Variants in MED12L observed in about 807,000 individuals in gnomAD.
The protein encoded by MED12L is mediator complex subunit 12L.
Under a neutral mutation model 281.3 loss-of-function variants are expected in MED12L, and 60 were observed. That is an observed-to-expected ratio of 0.21 (90% CI 0.17 to 0.26). The LOEUF is 0.26. Ranked by LOEUF, MED12L falls within the 10% of genes least tolerant of loss-of-function variation. The probability of loss-of-function intolerance (pLI) is 1.00; values close to 1 mark genes in which losing one functional copy is unlikely to be tolerated. For synonymous variants in MED12L, 974 were observed against 987.2 expected, an observed-to-expected ratio of 0.99 and a Z score of 0.25; for missense variants, 2,146 against 2,680.9, an observed-to-expected ratio of 0.80 and a Z score of 4.41.
chr3:151,375,974 T>TATATATAC, intron 27 of MED12L, 52 bp from the exon 28 acceptor site: 1 of 971,146 alleles, frequency 1.0e-6, no homozygotes, highest in Non-Finnish European at 1.5e-6. Flanking sequence ...ATATTGCATA[T>TATATATAC]ATATATACCG....
intron 13 of MED12L, among the ~76,000 whole-genome samples, chr3:151,190,136 T>A (rs754662903): frequency 6.6e-6 from 1 of 152,180 alleles, no homozygotes; most frequent in Non-Finnish European, 1.5e-5. Context: ...ATTTTGCTTT[T>A]TTACATTAGT....
chr3:151,141,193 T>TTTTTTG (rs1716966410), intron 5 of MED12L, among the ~76,000 whole-genome samples: 1 of 105,124 alleles, frequency 9.5e-6, no homozygotes, highest in African/African-American at 4.4e-5. Flanking sequence ...TTTTGTTTTT[T>TTTTTTG]TTTTTTTGTT....
At chr3:151,288,395 T>C (rs144263945) in intron 16 of MED12L, among the ~76,000 whole-genome samples, 28 of 152,364 alleles carry the variant, frequency 1.8e-4, no homozygotes, top group Admixed American at 9.8e-4. Flanking sequence ...TTTCCAAGTA[T>C]ATAGCTACTG....
intron 43 of MED12L, among the ~76,000 whole-genome samples, chr3:151,421,722 A>G (rs1718271388): frequency 6.6e-6 from 1 of 151,998 alleles, no homozygotes; most frequent in African/African-American, 2.4e-5. Context: ...AAATTTTTAT[A>G]TATCCTTTTA....
In MED12L at chr3:151,372,738, G is replaced by A; in HGVS notation, c.3836G>A (p.Arg1279Lys). Residue 1279 changes from arginine (R) to lysine (K), a missense_variant, in exon 27 of 45, where the codon AGA becomes AAA. Physicochemically the swap from Arg to Lys is conservative, Grantham distance 26 (BLOSUM62 2). Coordinates refer to ENST00000687756, the MANE Select transcript of MED12L (RefSeq NM_001393769.1). ...ACTGCCAATTTAAGAGAATACGCTA[G>A]ATATGTACTGAGGACTATCTGTCAA... ...IETANLREYA[R>K]YVLRTICQQE... 6.2e-7 allele frequency: 1 copy of A among 1,613,630 alleles called. No individual in the cohort carries two copies. The highest frequency in any genetic ancestry group is 1.7e-4 in the Middle Eastern group (1 of 6,058).
intron 9 of MED12L, among the ~76,000 whole-genome samples, chr3:151,164,867 G>A (rs964172931): frequency 3.9e-5 from 6 of 152,070 alleles, no homozygotes; most frequent in Admixed American, 2.0e-4. Flanking sequence ...TGGGGGTAGG[G>A]GGTAGGGATG....
intron 2 of MED12L, among the ~76,000 whole-genome samples, chr3:151,094,218 A>G (rs182672599): frequency 5.6e-4 from 85 of 152,362 alleles, no homozygotes; most frequent in Middle Eastern, 6.8e-3. Flanking sequence ...TGCAAACTAC[A>G]AGAACTGTGA....
At chr3:151,314,967 C>T (rs1748044660) in intron 16 of MED12L, among the ~76,000 whole-genome samples, 1 of 152,138 alleles carries the variant, frequency 6.6e-6, no homozygotes, top group Admixed American at 6.5e-5. Flanking sequence ...TACTTTAAAC[C>T]CAAACTACTG....
At chr3:151,411,111 C>T (rs1044237399) in intron 40 of MED12L, among the ~76,000 whole-genome samples, 167 bp from the exon 41 acceptor site, 1 of 152,154 alleles carries the variant, frequency 6.6e-6, no homozygotes, top group Non-Finnish European at 1.5e-5. Flanking sequence ...TGACCATATT[C>T]CCTGCATCCA....
At position 151,388,323 on chromosome 3, in the gene MED12L, C is replaced by T. The variant is rs1176787351; in HGVS notation, c.5451+151C>T. ...ACAGGTTTCTGCATTAACTGAATGGCACACAATGACTTGTCACAGACAAAA... is the reference window on the plus strand; with the variant it reads ...ACAGGTTTCTGCATTAACTGAATGGTACACAATGACTTGTCACAGACAAAA... On this transcript the variant is annotated intron_variant, in intron 37 of 44. Transcript: ENST00000687756. 9.6e-6 allele frequency: 8 copies of T among 829,214 alleles called. No homozygotes were observed. In the African/African-American group the frequency reaches 1.2e-4, roughly 12 times the overall value. 51.4% of individuals were successfully genotyped at this position (829,214 alleles called of 1,614,324 possible). A position where few individuals can be genotyped will look rare whatever the true frequency, so the allele number is the denominator to read the frequency against.
At chr3:151,107,803 T>C (rs1326231214) in intron 2 of MED12L, among the ~76,000 whole-genome samples, 6 of 152,220 alleles carry the variant, frequency 3.9e-5, no homozygotes, top group Non-Finnish European at 8.8e-5. Context: ...CCTGTCTCCT[T>C]TCAAACAAAG....
chr3:151,290,370 C>T (rs1356707693), intron 16 of MED12L, among the ~76,000 whole-genome samples: 15 of 152,032 alleles, frequency 9.9e-5, no homozygotes, highest in Non-Finnish European at 2.9e-5. Context: ...TAGATGATTT[C>T]CTTTCATTGT....
At chr3:151,350,026 CAA>C in intron 16 of MED12L, 31 bp from the exon 17 acceptor site, 1 of 1,595,882 alleles carries the variant, frequency 6.3e-7, no homozygotes, top group Non-Finnish European at 8.6e-7. Flanking sequence ...CCCCTGCAGA[CAA>C]GAGTTTCAGA....
chr3:151,395,772 A>G (rs1714879643), intron 39 of MED12L, among the ~76,000 whole-genome samples: 1 of 152,254 alleles, frequency 6.6e-6, no homozygotes. Context: ...TAGCGAATCT[A>G]CAGGTACATC....
At position 151,435,586 on chromosome 3, in the gene MED12L, A is replaced by G. The variant is rs910730965; in HGVS notation, c.*2782A>G. The G allele has an allele frequency of 6.6e-6, 1 of 151,192 alleles. No individual in the cohort carries two copies. Among genetic ancestry groups the G allele is most frequent in the African/African-American group, 2.4e-5 (1 of 41,080 alleles). The allele number at this position is 151,192 out of a possible 1,614,324, so 9.4% of individuals were successfully genotyped here. A position where few individuals can be genotyped will look rare whatever the true frequency, so the allele number is the denominator to read the frequency against. On this transcript the variant is annotated 3_prime_UTR_variant, in exon 45 of 45. Coordinates refer to ENST00000687756, the MANE Select transcript of MED12L (RefSeq NM_001393769.1). ...TTGTGCACTGAGATATCTAAGACCTATGGCATTTTTTTCCCATTTATAAAG... is the reference window on the plus strand; with the variant it reads ...TTGTGCACTGAGATATCTAAGACCTGTGGCATTTTTTTCCCATTTATAAAG...
chr3:151,229,688 A>G (rs1450535128), intron 16 of MED12L, among the ~76,000 whole-genome samples: 1 of 151,700 alleles, frequency 6.6e-6, no homozygotes, highest in Non-Finnish European at 1.5e-5. Context: ...CGTGGTCTCA[A>G]TCTCCTGACC....
At chr3:151,411,574 A>G (rs1716942934) in intron 41 of MED12L, 67 bp downstream of exon 41, 3 of 1,361,434 alleles carry the variant, frequency 2.2e-6, no homozygotes, top group South Asian at 1.2e-5. Flanking sequence ...TATGCTTCTT[A>G]TAGGGCATGG....
chr3:151,222,621 T>A (rs939388606), intron 16 of MED12L, among the ~76,000 whole-genome samples: 3 of 152,254 alleles, frequency 2.0e-5, no homozygotes, highest in African/African-American at 7.2e-5. Flanking sequence ...TTGTGAAGCC[T>A]CCTCAGCCAT....
rs554410378 is a variant in MED12L at position 151,368,141 on chromosome 3, C to G, written c.3449-9C>G. 9.9e-6 allele frequency: 16 copies of G among 1,612,304 alleles called. No homozygotes were observed. In the East Asian group the frequency reaches 3.1e-4, roughly 31 times the overall value. On this transcript the variant is annotated splice_polypyrimidine_tract_variant and intron_variant, in intron 24 of 44. Coordinates refer to ENST00000687756, the MANE Select transcript of MED12L (RefSeq NM_001393769.1). The stretch of plus-strand genomic sequence containing the variant: ...TAGAAAACTTGCTTTTCCAATCCCC[C>G]TTTCCTAGCTTGTGGGGATGCGGAC...
Sources: gnomAD v4.1 joint callset for allele counts (sites outside exome capture counted in the v4.1 genomes callset) on GRCh38, gnomAD v4.1.1 for gene constraint, MANE v1.5 for transcripts, NCBI Gene and HGNC (gene_info 2026-07-23, HGNC 2026-07-21) for gene names.